OR8D4: variants seen among roughly 807,000 people sequenced by gnomAD.
OR8D4 encodes the protein olfactory receptor family 8 subfamily D member 4.
For missense variants in OR8D4, 359 were observed against 372.6 expected (o/e 0.96, Z 0.30); for synonymous variants, 141 against 134.8 (o/e 1.05, Z -0.32).
At chr11:123,905,335 T>C (rs1331277654) in intron 1 of OR8D4, among the ~76,000 whole-genome samples, 1 of 152,240 alleles carries the variant, frequency 6.6e-6, no homozygotes, top group African/African-American at 2.4e-5. Context: ...ATGCTTGTGC[T>C]ATAAAATGTT....
Position 123,906,483 on chromosome 11 carries a change from A to G in OR8D4, c.52A>G (p.Thr18Ala), listed in dbSNP as rs1863199250. 1.9e-6 allele frequency: 3 copies of G among 1,613,362 alleles called. No individual in the cohort carries two copies. The highest frequency in any genetic ancestry group is 1.7e-6 in the Non-Finnish European group (2 of 1,179,692). ...GACTGAGTTTCTTCTTTCAGGATTA[A>G]CTGAACAAGCAGAGCTTCAGCTGCC... ...TVTEFLLSGL[T>A]EQAELQLPLF... The change falls in exon 2 of 2, where the codon ACT (threonine) becomes GCT (alanine). Residue 18 changes from threonine to alanine, a missense_variant. Transcript: ENST00000641687.
Position 123,905,044 on chromosome 11 carries a change from T to A in OR8D4, c.-15-1373T>A, listed in dbSNP as rs187288301. Among the ~76,000 whole-genome samples, 45 of 152,252 alleles carry A rather than the reference T, an allele frequency of 3.0e-4. 3 individuals are homozygous for A. Among genetic ancestry groups the A allele is most frequent in the East Asian group, 1.6e-3 (8 of 5,158 alleles). On this transcript the variant is annotated intron_variant, in intron 1 of 1. Transcript: ENST00000641687. Reference sequence around the variant, plus strand: ...TGTGTGCTATGTGGGAGCCTCCAAGTGGCAACAAAAACATCTGGGTTGCTT... The same window carrying A: ...TGTGTGCTATGTGGGAGCCTCCAAGAGGCAACAAAAACATCTGGGTTGCTT...
chr11:123,907,129 G>T lies in OR8D4; in HGVS notation c.698G>T (p.Gly233Val). The stretch of plus-strand genomic sequence containing the variant: ...ATCCTGCGCATCCACTCTAAAAAGG[G>T]CAGGTGCAAAGCGTTTAGCACCTGT... ...TSILRIHSKK[G>V]RCKAFSTCSS... The change falls in exon 2 of 2, where the codon GGC (glycine) becomes GTC (valine). Residue 233 changes from glycine to valine, a missense_variant. Coordinates refer to ENST00000641687, the MANE Select transcript of OR8D4 (RefSeq NM_001005197.2). 1 of 1,613,862 alleles carries T rather than the reference G, an allele frequency of 6.2e-7. No homozygotes were observed. The highest frequency in any genetic ancestry group is 8.5e-7 in the Non-Finnish European group (1 of 1,179,888).
At chr11:123,902,974 A>G (rs983540254) in intron 1 of OR8D4, among the ~76,000 whole-genome samples, 1 of 152,114 alleles carries the variant, frequency 6.6e-6, no homozygotes, top group African/African-American at 2.4e-5. Flanking sequence ...ATCATTTTGC[A>G]TGTACAGTTG....
At chr11:123,903,770 C>T (rs1863179278) in intron 1 of OR8D4, among the ~76,000 whole-genome samples, 1 of 152,100 alleles carries the variant, frequency 6.6e-6, no homozygotes, top group Non-Finnish European at 1.5e-5. Flanking sequence ...CAATTTGTTG[C>T]AATAATCTAT....
intron 1 of OR8D4, 125 bp from the exon 2 acceptor site, chr11:123,906,292 T>A: frequency 1.7e-6 from 1 of 605,034 alleles, no homozygotes; most frequent in South Asian, 2.2e-5. Context: ...CCATTTCATC[T>A]GAGTGTTCAC....
At position 123,906,951 on chromosome 11, in the gene OR8D4, A is replaced by C; in HGVS notation, c.520A>C (p.Ile174Leu). The C allele has an allele frequency of 6.2e-7, 1 of 1,614,102 alleles. No homozygotes were observed. The highest frequency in any genetic ancestry group is 2.2e-5 in the East Asian group (1 of 44,868). Residue 174 changes from isoleucine (I) to leucine (L), a missense_variant, in exon 2 of 2, where the codon ATT becomes CTT. Coordinates refer to ENST00000641687, the MANE Select transcript of OR8D4 (RefSeq NM_001005197.2). The part of the protein sequence containing the change: ...LRLSFCGSNI[I>L]KHYFCDIVPL... ...GTTGTCTTTCTGTGGATCAAACATC[A>C]TTAAACATTATTTCTGTGACATTGT... is the stretch of plus-strand genomic sequence containing the variant.
chr11:123,906,843 C>T lies in OR8D4; in HGVS notation c.412C>T (p.Pro138Ser). Residue 138 changes from proline to serine, a missense_variant, in exon 2 of 2, where the codon CCT becomes TCT. Pro to Ser is a moderately conservative substitution (Grantham distance 74, BLOSUM62 -1). Coordinates refer to ENST00000641687, the MANE Select transcript of OR8D4 (RefSeq NM_001005197.2). Reference sequence around the variant, plus strand: ...ACTGCTCTACAGGGTCATCATGTCCCCTAGGGTCTGTTCTCTGCTGGTGGC... The same window carrying T: ...ACTGCTCTACAGGGTCATCATGTCCTCTAGGGTCTGTTCTCTGCTGGTGGC... ...SPLLYRVIMS[P>S]RVCSLLVAAV... 1 of 1,613,986 alleles carries T rather than the reference C, an allele frequency of 6.2e-7. No homozygotes were observed. Among genetic ancestry groups the T allele is most frequent in the Non-Finnish European group, 8.5e-7 (1 of 1,179,944 alleles).
intron 1 of OR8D4, among the ~76,000 whole-genome samples, chr11:123,903,481 G>C (rs1404909638): frequency 3.3e-5 from 5 of 152,124 alleles, no homozygotes; most frequent in Non-Finnish European, 7.4e-5. Flanking sequence ...AATAGTCATA[G>C]TTTTAATAAT....
rs1272854862 is a variant in OR8D4, at chr11:123,907,480, C to T, written c.*104C>T. 6.9e-5 allele frequency: 40 copies of T among 578,390 alleles called. No homozygotes were observed. Among genetic ancestry groups the T allele is most frequent in the Non-Finnish European group, 1.1e-4 (38 of 337,150 alleles). The allele number at this position is 578,390 out of a possible 1,614,324, so 35.8% of individuals were successfully genotyped here. A position where few individuals can be genotyped will look rare whatever the true frequency, so the allele number is the denominator to read the frequency against. ...GTAATTTGAGGTCCAGGTACGGTGA[C>T]TTACGCCTGTAATCCCAGCACTTTG... On this transcript the variant is annotated 3_prime_UTR_variant, in exon 2 of 2. Transcript: ENST00000641687.
rs560419045 is a variant in OR8D4 at position 123,905,699 on chromosome 11, C to T, written c.-15-718C>T. The stretch of plus-strand genomic sequence containing the variant: ...CCTCAGCCTCTAGTTTATGCACCTA[C>T]TTAACTAATTTGCTTTAAGAAACTG... On this transcript the variant is annotated intron_variant, in intron 1 of 1. Coordinates refer to ENST00000641687, the MANE Select transcript of OR8D4 (RefSeq NM_001005197.2). 2.0e-5 allele frequency among the ~76,000 whole-genome samples: 3 copies of T among 152,288 alleles called. No homozygotes were observed. In the South Asian group the frequency reaches 6.2e-4, roughly 32 times the overall value.
rs138254306 is a variant in OR8D4 at position 123,907,180 on chromosome 11, T to G, written c.749T>G (p.Met250Arg). The G allele has an allele frequency of 2.0e-5, 33 of 1,613,792 alleles. No homozygotes were observed. The African/African-American group carries it at 3.6e-4, about 18-fold the overall frequency. ...AGCTCCCACCTGACAGCTGTTCTTA[T>G]GTTTTATGGGTCTCTGATGTCCATG... ...TCSSHLTAVL[M>R]FYGSLMSMYL... The change falls in exon 2 of 2, where the codon ATG (methionine) becomes AGG (arginine). Residue 250 changes from methionine (M) to arginine (R), a missense_variant. Coordinates refer to ENST00000641687, the MANE Select transcript of OR8D4 (RefSeq NM_001005197.2).
chr11:123,906,883 T>C lies in OR8D4; in HGVS notation c.452T>C (p.Val151Ala). 1 of 1,614,062 alleles carries C rather than the reference T, an allele frequency of 6.2e-7. No homozygotes were observed. Among genetic ancestry groups the C allele is most frequent in the Non-Finnish European group, 8.5e-7 (1 of 1,179,946 alleles). ...CTGCTGGTGGCTGCTGTCTTCTCAG[T>C]AGGTTTCACTGATGCTGTGATCCAT... ...CSLLVAAVFS[V>A]GFTDAVIHGG... The change falls in exon 2 of 2, where the codon GTA (valine) becomes GCA (alanine). Residue 151 changes from valine (V) to alanine (A), a missense_variant. Coordinates refer to ENST00000641687, the MANE Select transcript of OR8D4 (RefSeq NM_001005197.2).
chr11:123,907,769 A>AG lies in OR8D4; in HGVS notation c.*394dup, dbSNP rs1491260491. On this transcript the variant is annotated 3_prime_UTR_variant, in exon 2 of 2. Coordinates refer to ENST00000641687, the MANE Select transcript of OR8D4 (RefSeq NM_001005197.2). Reference sequence around the variant, plus strand: ...TCTCAAAAAAAAAAAAAAAAAAAAAAGTAATTTGAAATCAGATGAAATTAT... The same window carrying AG: ...TCTCAAAAAAAAAAAAAAAAAAAAAAGGTAATTTGAAATCAGATGAAATTAT... 1.4e-5 allele frequency: 2 copies of AG among 141,358 alleles called. No individual in the cohort carries two copies. Among genetic ancestry groups the AG allele is most frequent in the Non-Finnish European group, 3.1e-5 (2 of 64,976 alleles). 8.8% of individuals were successfully genotyped at this position (141,358 alleles called of 1,614,324 possible). A position where few individuals can be genotyped will look rare whatever the true frequency, so the allele number is the denominator to read the frequency against.
chr11:123,903,877 A>G (rs1016553981), intron 1 of OR8D4, among the ~76,000 whole-genome samples: 1 of 152,222 alleles, frequency 6.6e-6, no homozygotes, highest in East Asian at 1.9e-4. Context: ...TCTTCATCTG[A>G]GAAGGCTTTC....
Position 123,906,970 on chromosome 11 carries a change from A to T in OR8D4, c.539A>T (p.Asp180Val). The part of the protein sequence containing the change: ...GSNIIKHYFC[D>V]IVPLIKLSCS... ...AACATCATTAAACATTATTTCTGTG[A>T]CATTGTCCCTCTTATTAAACTCTCC... The change falls in exon 2 of 2, where the codon GAC (aspartate) becomes GTC (valine). Residue 180 changes from aspartate to valine, a missense_variant. Asp to Val is a radical substitution (Grantham distance 152, BLOSUM62 -3). Transcript: ENST00000641687. The T allele has an allele frequency of 6.2e-7, 1 of 1,614,080 alleles. No homozygotes were observed. Among genetic ancestry groups the T allele is most frequent in the Non-Finnish European group, 8.5e-7 (1 of 1,179,970 alleles).
intron 1 of OR8D4, among the ~76,000 whole-genome samples, chr11:123,905,281 A>G (rs1197396346): frequency 1.3e-5 from 2 of 152,216 alleles, no homozygotes; most frequent in African/African-American, 4.8e-5. Context: ...AAATAGAACA[A>G]ACACACAAAT....
chr11:123,903,725 A>T (rs1447910903), intron 1 of OR8D4, among the ~76,000 whole-genome samples: 2 of 152,186 alleles, frequency 1.3e-5, no homozygotes, highest in Non-Finnish European at 2.9e-5. Context: ...TGGAATGTGT[A>T]TAATTTTTCT....
chr11:123,905,172 A>G (rs1591437956), intron 1 of OR8D4, among the ~76,000 whole-genome samples: 2 of 152,316 alleles, frequency 1.3e-5, no homozygotes, highest in East Asian at 3.9e-4. Context: ...CAGAAGGTAG[A>G]AACAGTTTTG....
Sources: gnomAD v4.1 joint callset for allele counts (sites outside exome capture counted in the v4.1 genomes callset) on GRCh38, gnomAD v4.1.1 for gene constraint, MANE v1.5 for transcripts, NCBI Gene and HGNC (gene_info 2026-07-23, HGNC 2026-07-21) for gene names.